PCDHA8: variants seen among roughly 807,000 people sequenced by gnomAD.
The protein encoded by PCDHA8 is protocadherin alpha-8.
A neutral mutation model predicts 61.8 loss-of-function variants in PCDHA8; 53 were observed. The observed-to-expected ratio is 0.86, with a 90% CI of 0.69 to 1.08. PCDHA8 has a LOEUF of 1.08. PCDHA8 is among the 50% of genes least tolerant of loss of function. PCDHA8 has a pLI of 0.00. For missense variants in PCDHA8, 1,293 were observed against 1,245.0 expected (o/e 1.04, Z -0.58); for synonymous variants, 618 against 556.6 (o/e 1.11, Z -1.55).
rs143678744 is a variant in PCDHA8 at position 140,873,036 on chromosome 5, G to A, written c.2394+29321G>A. Among the ~76,000 whole-genome samples the A allele has an allele frequency of 5.4e-3, 816 of 152,264 alleles. 4 individuals carry two copies. The highest frequency in any genetic ancestry group is 0.014 in the Middle Eastern group (4 of 294). On this transcript the variant is annotated intron_variant, in intron 1 of 3. Coordinates refer to ENST00000531613, the MANE Select transcript of PCDHA8 (RefSeq NM_018911.3). ...TTTAGTTATTCTTACTACACGTAGA[G>A]TGGTGGTATTACAGACTTTCTTGAG...
In PCDHA8 at chr5:140,927,579, C is replaced by T. The variant is rs369243383; in HGVS notation, c.2395-51370C>T. The T allele has an allele frequency of 3.2e-4, 517 of 1,614,178 alleles. 2 individuals are homozygous for T. Among genetic ancestry groups the T allele is most frequent in the Non-Finnish European group, 4.1e-4 (483 of 1,180,030 alleles). On this transcript the variant is annotated intron_variant, in intron 1 of 3. Coordinates refer to ENST00000531613, the MANE Select transcript of PCDHA8 (RefSeq NM_018911.3). ...TCATTGTGGTGGACACAAATGACAA[C>T]GCGCCTGTATTTGAGCGCTCCGTAT...
intron 3 of PCDHA8, among the ~76,000 whole-genome samples, chr5:140,994,044 G>C (rs782758789): frequency 9.9e-5 from 15 of 152,240 alleles, no homozygotes; most frequent in Middle Eastern, 3.4e-3. Flanking sequence ...ATATAACACA[G>C]TCCTGCCCTT....
At chr5:140,903,183 T>A (rs1392196705) in intron 1 of PCDHA8, among the ~76,000 whole-genome samples, 3 of 152,194 alleles carry the variant, frequency 2.0e-5, no homozygotes, top group Admixed American at 2.0e-4. Flanking sequence ...CCACCAATAG[T>A]ATAAAAGAGT....
intron 1 of PCDHA8, among the ~76,000 whole-genome samples, chr5:140,873,080 C>G (rs1582109442): frequency 2.6e-5 from 4 of 151,946 alleles, no homozygotes; most frequent in Admixed American, 2.6e-4. Context: ...CTAGCTATTT[C>G]CCCCCCGTAT....
At chr5:140,954,065 G>A (rs2153701349) in intron 1 of PCDHA8, among the ~76,000 whole-genome samples, 1 of 152,278 alleles carries the variant, frequency 6.6e-6, no homozygotes, top group African/African-American at 2.4e-5. Context: ...TTATTATGCT[G>A]AGGATAATGG....
chr5:140,953,074 C>T (rs929530454), intron 1 of PCDHA8, among the ~76,000 whole-genome samples: 1 of 152,204 alleles, frequency 6.6e-6, no homozygotes, highest in Non-Finnish European at 1.5e-5. Flanking sequence ...CCATCTCCAA[C>T]ATTGGGGATT....
At chr5:140,933,106 C>T (rs2088855819) in intron 1 of PCDHA8, among the ~76,000 whole-genome samples, 1 of 151,884 alleles carries the variant, frequency 6.6e-6, no homozygotes. Context: ...AAAGGTTGTT[C>T]TTAAGAAACA....
chr5:140,868,792 CCATAAATAAG>C (rs2050654448), intron 1 of PCDHA8: 1 of 326,666 alleles, frequency 3.1e-6, no homozygotes, highest in African/African-American at 2.1e-5. Flanking sequence ...TCTGAATATT[CCATAAATAAG>C]CACGTTGGAA....
chr5:140,875,986 T>C, intron 1 of PCDHA8: 1 of 1,613,998 alleles, frequency 6.2e-7, no homozygotes, highest in East Asian at 2.2e-5. Context: ...GACCTATGCG[T>C]TAAGTCTAAA....
At position 140,853,772 on chromosome 5, in the gene PCDHA8, T is replaced by C. The variant is rs1315934965; in HGVS notation, c.2394+10057T>C. 8 of 988,006 alleles carry C rather than the reference T, an allele frequency of 8.1e-6. No homozygotes were observed. The African/African-American group carries it at 1.4e-4, about 17-fold the overall frequency. 61.2% of individuals were successfully genotyped at this position (988,006 alleles called of 1,614,324 possible). On this transcript the variant is annotated intron_variant, in intron 1 of 3. Coordinates refer to ENST00000531613, the MANE Select transcript of PCDHA8 (RefSeq NM_018911.3). Reference sequence around the variant, plus strand: ...AGGCTCCACCTCAGAAATTCTGAAATGGGTAGTAAGAGCAAATTTTCATTT... The same window carrying C: ...AGGCTCCACCTCAGAAATTCTGAAACGGGTAGTAAGAGCAAATTTTCATTT...
At chr5:140,895,389 C>T (rs553681530) in intron 1 of PCDHA8, among the ~76,000 whole-genome samples, 1 of 152,098 alleles carries the variant, frequency 6.6e-6, no homozygotes, top group South Asian at 2.1e-4. Context: ...CTTCAATTCT[C>T]AACACCATCA....
intron 1 of PCDHA8, among the ~76,000 whole-genome samples, chr5:140,945,368 C>T (rs980832309): frequency 1.3e-5 from 2 of 151,844 alleles, no homozygotes; most frequent in African/African-American, 4.8e-5. Flanking sequence ...TTAAAATGTC[C>T]ATATTACCCA....
At chr5:140,918,309 T>C (rs2078629927) in intron 1 of PCDHA8, among the ~76,000 whole-genome samples, 1 of 152,186 alleles carries the variant, frequency 6.6e-6, no homozygotes, top group Non-Finnish European at 1.5e-5. Context: ...TAGGGTTTTC[T>C]AGGTATAAAA....
intron 1 of PCDHA8, chr5:140,869,855 T>C: frequency 6.2e-7 from 1 of 1,610,578 alleles, no homozygotes; most frequent in Non-Finnish European, 8.5e-7. Context: ...AAGGTGAGCC[T>C]TATGGAAAAT....
intron 1 of PCDHA8, among the ~76,000 whole-genome samples, chr5:140,944,656 C>A (rs782213712): frequency 1.3e-5 from 2 of 152,016 alleles, no homozygotes; most frequent in Admixed American, 6.6e-5. Flanking sequence ...GAGTCCATAC[C>A]CCTTATTTAT....
chr5:140,881,959 C>G (rs1012115110), intron 1 of PCDHA8: 146 of 352,464 alleles, frequency 4.1e-4, no homozygotes, highest in Non-Finnish European at 1.3e-4. Context: ...AACATTTAAT[C>G]TTCAATTACA....
chr5:140,994,608 G>A (rs1231327885), intron 3 of PCDHA8, among the ~76,000 whole-genome samples: 1 of 152,098 alleles, frequency 6.6e-6, no homozygotes, highest in African/African-American at 2.4e-5. Context: ...GGGAGGCTGA[G>A]GCACGAGAGT....
intron 1 of PCDHA8, among the ~76,000 whole-genome samples, chr5:140,925,390 G>A (rs968466600): frequency 6.6e-6 from 1 of 152,032 alleles, no homozygotes; most frequent in Non-Finnish European, 1.5e-5. Flanking sequence ...GTCTCCTTTT[G>A]GCTCGCCTCC....
chr5:140,968,996 G>A, intron 1 of PCDHA8: 1 of 1,614,202 alleles, frequency 6.2e-7, no homozygotes, highest in Non-Finnish European at 8.5e-7. Flanking sequence ...ATGCTGTGGA[G>A]GCTTCTGTGG....
Sources: gnomAD v4.1 joint callset for allele counts (sites outside exome capture counted in the v4.1 genomes callset) on GRCh38, gnomAD v4.1.1 for gene constraint, MANE v1.5 for transcripts, NCBI Gene and HGNC (gene_info 2026-07-23, HGNC 2026-07-21) for gene names.